Variants in KCNN2 observed in about 807,000 individuals in gnomAD.
KCNN2 encodes small conductance calcium-activated potassium channel protein 2.
KCNN2 carries 24 observed loss-of-function variants against 55.5 expected under a neutral mutation model. The ratio of observed to expected loss-of-function variants is 0.43; its 90% confidence interval spans 0.31 to 0.61. The LOEUF is 0.61. Among genes scored for constraint, KCNN2 ranks in the 20% least tolerant of loss-of-function variants. The pLI is 0.08. For missense variants in KCNN2, 754 were observed against 853.6 expected (o/e 0.88, Z 1.45); for synonymous variants, 431 against 336.1 (o/e 1.28, Z -3.09).
At chr5:114,302,892 A>G (rs1756196161) in intron 2 of KCNN2, among the ~76,000 whole-genome samples, 1 of 152,236 alleles carries the variant, frequency 6.6e-6, no homozygotes, top group Non-Finnish European at 1.5e-5. Flanking sequence ...GGAGAGAGAT[A>G]ACACAAGCCT....
chr5:114,089,689 C>T (rs1751095774), intron 1 of KCNN2, among the ~76,000 whole-genome samples: 2 of 149,392 alleles, frequency 1.3e-5, no homozygotes, highest in Non-Finnish European at 2.9e-5. Flanking sequence ...TATTTCTTCT[C>T]CATAGAATGG....
intron 2 of KCNN2, among the ~76,000 whole-genome samples, chr5:114,259,080 AG>A (rs1357072142): frequency 1.2e-4 from 18 of 152,314 alleles, no homozygotes; most frequent in African/African-American, 4.3e-4. Flanking sequence ...CTTCTGTGAT[AG>A]AACTATATTC....
At chr5:114,182,774 A>C (rs6594790) in intron 1 of KCNN2, among the ~76,000 whole-genome samples, 116,494 of 151,992 alleles carry the variant, frequency 0.77, 44,769 homozygotes, top group East Asian at 0.92. Flanking sequence ...TTTATATTCT[A>C]TAGATTTTTC....
At chr5:114,298,313 G>C (rs1288447404) in intron 2 of KCNN2, among the ~76,000 whole-genome samples, 1 of 152,188 alleles carries the variant, frequency 6.6e-6, no homozygotes, top group African/African-American at 2.4e-5. Context: ...CCCTCCACAG[G>C]GGAACCCTGC....
intron 3 of KCNN2, among the ~76,000 whole-genome samples, chr5:114,409,490 A>T (rs1239655102): frequency 6.6e-6 from 1 of 152,122 alleles, no homozygotes; most frequent in Non-Finnish European, 1.5e-5. Context: ...TATTTGGTTT[A>T]GGATTTGGAT....
chr5:114,326,471 G>A (rs1014796863), intron 2 of KCNN2, among the ~76,000 whole-genome samples: 2 of 152,154 alleles, frequency 1.3e-5, no homozygotes, highest in African/African-American at 4.8e-5. Context: ...ATACCAACAT[G>A]AGCCATCAGA....
chr5:114,348,191 T>C (rs1431394352), intron 2 of KCNN2, among the ~76,000 whole-genome samples: 3 of 149,206 alleles, frequency 2.0e-5, no homozygotes, highest in Non-Finnish European at 4.4e-5. Context: ...CATGATGCTG[T>C]ATGTATATGT....
At chr5:114,214,093 T>C (rs1345293852) in intron 1 of KCNN2, among the ~76,000 whole-genome samples, 1 of 152,030 alleles carries the variant, frequency 6.6e-6, no homozygotes, top group Non-Finnish European at 1.5e-5. Context: ...ATACATAATG[T>C]CAGGATTCTA....
At chr5:114,477,428 T>A (rs1469313921) in intron 5 of KCNN2, among the ~76,000 whole-genome samples, 1 of 152,312 alleles carries the variant, frequency 6.6e-6, no homozygotes, top group East Asian at 1.9e-4. Flanking sequence ...GAAAGTAGAA[T>A]ACTATTTATT....
At chr5:114,148,029 G>C (rs1752440251) in intron 1 of KCNN2, among the ~76,000 whole-genome samples, 1 of 152,148 alleles carries the variant, frequency 6.6e-6, no homozygotes, top group Non-Finnish European at 1.5e-5. Context: ...CTGTCGAATA[G>C]ATTGTAACAC....
chr5:114,417,216 C>A (rs1759332968), intron 3 of KCNN2, among the ~76,000 whole-genome samples: 1 of 152,182 alleles, frequency 6.6e-6, no homozygotes, highest in Non-Finnish European at 1.5e-5. Flanking sequence ...ATAAAAAGAT[C>A]AGCTTTAGTC....
At chr5:114,078,859 C>A (rs1318749044) in intron 1 of KCNN2, among the ~76,000 whole-genome samples, 1 of 152,198 alleles carries the variant, frequency 6.6e-6, no homozygotes, top group Non-Finnish European at 1.5e-5. Context: ...TCAATTACCT[C>A]TGCCTGCAGA....
At chr5:114,328,646 C>T (rs1340332181) in intron 2 of KCNN2, among the ~76,000 whole-genome samples, 1 of 152,196 alleles carries the variant, frequency 6.6e-6, no homozygotes, top group Non-Finnish European at 1.5e-5. Context: ...GCCTGGTCAC[C>T]TTGAGGCCCA....
chr5:114,294,366 G>A (rs988395682), intron 2 of KCNN2, among the ~76,000 whole-genome samples: 2 of 152,068 alleles, frequency 1.3e-5, no homozygotes, highest in Non-Finnish European at 2.9e-5. Context: ...TGCTTTGAAT[G>A]TGTCCCAGAG....
chr5:114,182,809 A>G (rs1183053092), intron 1 of KCNN2, among the ~76,000 whole-genome samples: 2 of 152,146 alleles, frequency 1.3e-5, no homozygotes, highest in Non-Finnish European at 2.9e-5. Context: ...TATCATTTGC[A>G]TATAGTGATA....
intron 1 of KCNN2, among the ~76,000 whole-genome samples, chr5:114,205,034 T>G (rs940630319): frequency 6.6e-6 from 1 of 152,048 alleles, no homozygotes; most frequent in Non-Finnish European, 1.5e-5. Context: ...AGAAGCAAGC[T>G]TAAATGAAGG....
chr5:114,178,597 A>G (rs1397306377), intron 1 of KCNN2, among the ~76,000 whole-genome samples: 1 of 152,130 alleles, frequency 6.6e-6, no homozygotes, highest in African/African-American at 2.4e-5. Context: ...ACAATGCATA[A>G]TTTTCCCACT....
chr5:114,339,396 A>T (rs72799662), intron 2 of KCNN2, among the ~76,000 whole-genome samples: 6,265 of 152,344 alleles, frequency 0.041, 171 homozygotes, highest in Middle Eastern at 0.061. Flanking sequence ...AGCTCTGAGC[A>T]GCAGACATGG....
At chr5:114,312,432 CACATATAT>C (rs1185221273) in intron 2 of KCNN2, among the ~76,000 whole-genome samples, 7 of 19,290 alleles carry the variant, frequency 3.6e-4, no homozygotes, top group African/African-American at 3.5e-4. Context: ...CACACACACA[CACATATAT>C]ATATATATAT....
Sources: allele counts gnomAD v4.1 joint callset (sites outside exome capture counted in the v4.1 genomes callset), GRCh38; gene constraint gnomAD v4.1.1; transcripts MANE v1.5; gene names NCBI Gene and HGNC (gene_info 2026-07-23, HGNC 2026-07-21).